The following PRDM5 variants were observed in gnomAD, a reference collection of about 807,000 sequenced individuals.
PRDM5 encodes the protein PR domain zinc finger protein 5.
In PRDM5, 56 loss-of-function variants were observed where a neutral mutation model predicts 81.2. That is an observed-to-expected ratio of 0.69 (90% confidence interval 0.56 to 0.86). The LOEUF is 0.86. PRDM5 is among the 40% of genes least tolerant of loss of function. The probability of loss-of-function intolerance (pLI) is 0.00; values close to 1 mark genes in which losing one functional copy is unlikely to be tolerated. For synonymous variants in PRDM5, 267 were observed against 256.4 expected (o/e 1.04, Z -0.39); for missense variants, 697 against 770.1 (o/e 0.91, Z 1.12).
At chr4:120,722,132 G>A (rs1301511085) in intron 14 of PRDM5, among the ~76,000 whole-genome samples, 2 of 152,186 alleles carry the variant, frequency 1.3e-5, no homozygotes, top group African/African-American at 4.8e-5. Context: ...GGTGGACAGT[G>A]TGAGAAAGCT....
chr4:120,798,364 C>A lies in PRDM5; in HGVS notation c.1091G>T (p.Gly364Val), dbSNP rs1290624544. Reference protein sequence around the residue: ...NKSFKRLDQVGAHKVIHSEDK... With the variant: ...NKSFKRLDQVVAHKVIHSEDK... ...TTCGCTGTGTATTACTTTGTGAGCA[C>A]CCACTTGATCAAGCCTCTTGAAAGA... is the stretch of plus-strand genomic sequence containing the variant. The change falls in exon 10 of 16, where the codon GGT becomes GTT. Residue 364 changes from glycine to valine, a missense_variant. Transcript: ENST00000264808. 2.5e-6 allele frequency: 4 copies of A among 1,613,226 alleles called. No individual in the cohort carries two copies. The highest frequency in any genetic ancestry group is 1.1e-5 in the South Asian group (1 of 91,052).
At chr4:120,752,597 C>T (rs181692342) in intron 14 of PRDM5, among the ~76,000 whole-genome samples, 2 of 152,156 alleles carry the variant, frequency 1.3e-5, no homozygotes, top group Admixed American at 1.3e-4. Context: ...GAATATGGGA[C>T]TTTTAAATTT....
intron 13 of PRDM5, among the ~76,000 whole-genome samples, chr4:120,772,315 A>C (rs1225017856): frequency 1.3e-5 from 2 of 152,198 alleles, no homozygotes; most frequent in African/African-American, 4.8e-5. Context: ...ATCTGCAGGC[A>C]AGTTTTGGAG....
intron 10 of PRDM5, 82 bp from the exon 11 acceptor site, chr4:120,785,173 G>A (rs944744162): frequency 1.6e-5 from 17 of 1,077,466 alleles, no homozygotes; most frequent in Non-Finnish European, 2.4e-5. Context: ...GATTCATGAT[G>A]CGAAAGAGGA....
chr4:120,809,449 G>T (rs907053572), intron 8 of PRDM5, among the ~76,000 whole-genome samples: 1 of 151,944 alleles, frequency 6.6e-6, no homozygotes, highest in African/African-American at 2.4e-5. Context: ...CATATTTAAA[G>T]TGAAAATGAC....
intron 14 of PRDM5, among the ~76,000 whole-genome samples, chr4:120,721,582 T>G (rs1252939014): frequency 6.6e-6 from 1 of 152,034 alleles, no homozygotes; most frequent in African/African-American, 2.4e-5. Flanking sequence ...AACTGCCTAC[T>G]TTCTGCTGGC....
intron 14 of PRDM5, among the ~76,000 whole-genome samples, chr4:120,741,580 C>G (rs1013017680): frequency 5.9e-4 from 90 of 151,988 alleles, no homozygotes; most frequent in African/African-American, 2.0e-3. Context: ...GCACTGTGCA[C>G]GAGCCGAAGC....
chr4:120,912,215 C>G (rs11942389), intron 1 of PRDM5, among the ~76,000 whole-genome samples: 12,618 of 152,144 alleles, frequency 0.083, 547 homozygotes, highest in East Asian at 0.15. Context: ...AAAGGGGAAA[C>G]AGGACATTTA....
intron 1 of PRDM5, among the ~76,000 whole-genome samples, chr4:120,918,269 A>G (rs17051281): frequency 0.05 from 7,623 of 152,318 alleles, 206 homozygotes; most frequent in African/African-American, 0.068. Flanking sequence ...GAACACAGGG[A>G]AGAGATAGCA....
At chr4:120,894,895 C>T (rs988424904) in intron 2 of PRDM5, among the ~76,000 whole-genome samples, 1 of 152,138 alleles carries the variant, frequency 6.6e-6, no homozygotes, top group African/African-American at 2.4e-5. Flanking sequence ...GCCATGTCAC[C>T]AAAATACCCA....
At chr4:120,691,314 C>T (rs1171632925), downstream of PRDM5, among the ~76,000 whole-genome samples, 1 of 151,998 alleles carries the variant, frequency 6.6e-6, no homozygotes, top group Non-Finnish European at 1.5e-5. Context: ...AGTGATAATA[C>T]AGTTTTAAGC....
At chr4:120,906,232 A>G (rs1765777069) in intron 2 of PRDM5, among the ~76,000 whole-genome samples, 1 of 152,088 alleles carries the variant, frequency 6.6e-6, no homozygotes, top group African/African-American at 2.4e-5. Flanking sequence ...TAGCCTCCTG[A>G]GTACCTGGAA....
intron 2 of PRDM5, among the ~76,000 whole-genome samples, chr4:120,883,069 T>C (rs1439354434): frequency 6.6e-6 from 1 of 152,228 alleles, no homozygotes; most frequent in South Asian, 2.1e-4. Flanking sequence ...TAGTGGACAG[T>C]GGCCATTTGT....
chr4:120,709,878 A>C (rs1736701715), intron 15 of PRDM5, among the ~76,000 whole-genome samples: 2 of 152,190 alleles, frequency 1.3e-5, no homozygotes, highest in South Asian at 4.1e-4. Context: ...AAAGGAGTTT[A>C]TATGCATTTT....
At chr4:120,814,747 C>G (rs1166779527) in intron 7 of PRDM5, among the ~76,000 whole-genome samples, 2 of 152,128 alleles carry the variant, frequency 1.3e-5, no homozygotes, top group African/African-American at 4.8e-5. Flanking sequence ...GCCTGTGCAG[C>G]CCATGGAGGA....
At chr4:120,793,993 A>G (rs779361896) in intron 10 of PRDM5, among the ~76,000 whole-genome samples, 4 of 152,220 alleles carry the variant, frequency 2.6e-5, no homozygotes, top group Non-Finnish European at 5.9e-5. Flanking sequence ...CTATCTCATC[A>G]TCCACTTAAG....
At chr4:120,766,132 G>A (rs1466883203) in intron 13 of PRDM5, among the ~76,000 whole-genome samples, 1 of 151,952 alleles carries the variant, frequency 6.6e-6, no homozygotes, top group Non-Finnish European at 1.5e-5. Flanking sequence ...GCTAATTTTT[G>A]TATTTTTAGT....
At chr4:120,750,483 C>G (rs1054538267) in intron 14 of PRDM5, among the ~76,000 whole-genome samples, 2 of 152,128 alleles carry the variant, frequency 1.3e-5, no homozygotes, top group African/African-American at 4.8e-5. Context: ...GCTGAGCGTC[C>G]AGGCCTCGCA....
chr4:120,915,441 ATG>A (rs1724022304), intron 1 of PRDM5, among the ~76,000 whole-genome samples: 1 of 140,680 alleles, frequency 7.1e-6, no homozygotes, highest in South Asian at 2.5e-4. Context: ...GGACCTCCCC[ATG>A]TGAGAGAGGT....
Sources: allele counts gnomAD v4.1 joint callset (sites outside exome capture counted in the v4.1 genomes callset), GRCh38; gene constraint gnomAD v4.1.1; transcripts MANE v1.5; gene names NCBI Gene and HGNC (gene_info 2026-07-23, HGNC 2026-07-21).